The following PAQR8 variants were observed in gnomAD, a reference collection of about 807,000 sequenced individuals.
PAQR8 encodes progestin and adipoQ receptor family member 8.
PAQR8 carries 17 observed loss-of-function variants against 25.2 expected under a neutral mutation model. That is an observed-to-expected ratio of 0.67 (90% CI 0.46 to 1.01). The LOEUF is 1.01. PAQR8 is among the 50% of genes least tolerant of loss of function. The probability of loss-of-function intolerance (pLI) is 0.00; values close to 1 mark genes in which losing one functional copy is unlikely to be tolerated. For missense variants in PAQR8, 392 were observed against 448.4 expected, an observed-to-expected ratio of 0.87 and a Z score of 1.14; for synonymous variants, 204 against 190.6, an observed-to-expected ratio of 1.07 and a Z score of -0.58.
At chr6:52,400,420 G>A (rs1021946561) in intron 1 of PAQR8, among the ~76,000 whole-genome samples, 2 of 152,186 alleles carry the variant, frequency 1.3e-5, no homozygotes, top group African/African-American at 4.8e-5. Context: ...AGCCCTGTAA[G>A]GCAGCTTCTC....
intron 1 of PAQR8, among the ~76,000 whole-genome samples, chr6:52,364,105 C>CTTTTTTTTTTTTTTTT (rs1763325397): frequency 5.9e-5 from 1 of 16,820 alleles, no homozygotes; most frequent in Admixed American, 7.8e-4. Flanking sequence ...TTTTTTTTTG[C>CTTTTTTTTTTTTTTTT]GGGTGTGTGT....
rs143907001 is a variant in PAQR8 at position 52,394,740 on chromosome 6, T to C, written c.-52-8422T>C. Among the ~76,000 whole-genome samples, 175 of 152,254 alleles carry C rather than the reference T, an allele frequency of 1.1e-3. 1 individual carries two copies. The highest frequency in any genetic ancestry group is 4.0e-3 in the African/African-American group (165 of 41,558). On this transcript the variant is annotated intron_variant, in intron 1 of 1. Transcript: ENST00000442253. ...GTAGATTAGGTGCATTAAATGCATT[T>C]TCAACTTAAGACGTTTTCAACTTAA...
At chr6:52,392,183 A>G (rs1433684897) in intron 1 of PAQR8, among the ~76,000 whole-genome samples, 2 of 152,102 alleles carry the variant, frequency 1.3e-5, no homozygotes, top group Non-Finnish European at 2.9e-5. Context: ...CTCTACTAAA[A>G]TGCAAAAAAA....
chr6:52,378,009 A>T (rs576064700), intron 1 of PAQR8, among the ~76,000 whole-genome samples: 17 of 152,330 alleles, frequency 1.1e-4, no homozygotes, highest in African/African-American at 3.8e-4. Flanking sequence ...CTCTGGAGCC[A>T]GACTACCTGG....
chr6:52,392,528 A>G (rs1763722124), intron 1 of PAQR8, among the ~76,000 whole-genome samples: 1 of 152,206 alleles, frequency 6.6e-6, no homozygotes, highest in South Asian at 2.1e-4. Flanking sequence ...TCATCCAGAT[A>G]AAATGTCTTC....
chr6:52,387,416 T>C (rs1013577714), intron 1 of PAQR8, among the ~76,000 whole-genome samples: 3 of 152,228 alleles, frequency 2.0e-5, no homozygotes, highest in Admixed American at 6.5e-5. Flanking sequence ...TTATTGTTGA[T>C]TTGGTTTAGG....
At chr6:52,369,342 T>C (rs1763390821) in intron 1 of PAQR8, among the ~76,000 whole-genome samples, 1 of 152,190 alleles carries the variant, frequency 6.6e-6, no homozygotes, top group African/African-American at 2.4e-5. Flanking sequence ...TTTTGTTGAT[T>C]TTGAGACACA....
At chr6:52,366,481 G>A (rs1763355286) in intron 1 of PAQR8, among the ~76,000 whole-genome samples, 1 of 152,080 alleles carries the variant, frequency 6.6e-6, no homozygotes, top group Non-Finnish European at 1.5e-5. Context: ...TCAAAGAAGG[G>A]TAAATAGGTG....
intron 1 of PAQR8, among the ~76,000 whole-genome samples, chr6:52,376,910 C>T (rs1763491697): frequency 6.6e-6 from 1 of 152,134 alleles, no homozygotes; most frequent in Non-Finnish European, 1.5e-5. Context: ...ATACTATAAT[C>T]CTTTGTCAAA....
At chr6:52,402,135 G>A (rs1425991606) in intron 1 of PAQR8, among the ~76,000 whole-genome samples, 4 of 152,142 alleles carry the variant, frequency 2.6e-5, no homozygotes, top group Admixed American at 6.6e-5. Context: ...AGGATGAGGT[G>A]GGAAGATCAT....
chr6:52,372,333 C>T (rs1305040801), intron 1 of PAQR8, among the ~76,000 whole-genome samples: 2 of 152,054 alleles, frequency 1.3e-5, no homozygotes, highest in African/African-American at 4.8e-5. Context: ...TAGTAAACTT[C>T]CAAAGCATAG....
Position 52,406,539 on chromosome 6 carries a change from C to T in PAQR8, c.*2261C>T. The T allele has an allele frequency of 2.4e-6, 1 of 413,414 alleles. No individual in the cohort carries two copies. Among genetic ancestry groups the T allele is most frequent in the Non-Finnish European group, 4.4e-6 (1 of 226,132 alleles). 25.6% of individuals were successfully genotyped at this position (413,414 alleles called of 1,614,324 possible). On this transcript the variant is annotated 3_prime_UTR_variant, in exon 2 of 2. Transcript: ENST00000442253. ...CAATTTTAATTTATACAAGTATTGG[C>T]CCCTCAAGTGGTTGGAAATTTTTTT...
rs767424580 is a variant in PAQR8 at position 52,404,214 on chromosome 6, G to T, written c.1001G>T (p.Ser334Ile). Residue 334 changes from serine (S) to isoleucine (I), a missense_variant, in exon 2 of 2, where the codon AGT becomes ATT. Physicochemically the swap from Ser to Ile is moderately radical, Grantham distance 142 (BLOSUM62 -2). Coordinates refer to ENST00000442253, the MANE Select transcript of PAQR8 (RefSeq NM_133367.5). ...TCCTTCTTCTTCCTGGCTGCCTGCA[G>T]TGCTGCCACCGCAGCCCTTCTGAGG... The part of the protein sequence containing the change: ...CLSFFFLAAC[S>I]AATAALLRHK... 8.1e-6 allele frequency: 13 copies of T among 1,613,734 alleles called. No individual in the cohort carries two copies. The highest frequency in any genetic ancestry group is 1.1e-5 in the Non-Finnish European group (13 of 1,179,728).
At chr6:52,379,720 G>A (rs563448805) in intron 1 of PAQR8, among the ~76,000 whole-genome samples, 4 of 143,850 alleles carry the variant, frequency 2.8e-5, no homozygotes, top group Middle Eastern at 3.8e-3. Flanking sequence ...TCCGCCTCCC[G>A]GGTTCACGCC....
At chr6:52,388,172 T>C (rs1763654866) in intron 1 of PAQR8, among the ~76,000 whole-genome samples, 1 of 152,154 alleles carries the variant, frequency 6.6e-6, no homozygotes, top group African/African-American at 2.4e-5. Context: ...GGTCAGGAGT[T>C]TGAGACCAGC....
chr6:52,406,663 A>C lies in PAQR8; in HGVS notation c.*2385A>C, dbSNP rs368035029. 2.5e-6 allele frequency: 1 copy of C among 406,048 alleles called. No homozygotes were observed. The highest frequency in any genetic ancestry group is 4.4e-6 in the Non-Finnish European group (1 of 225,644). The allele number at this position is 406,048 out of a possible 1,614,324, so 25.2% of individuals were successfully genotyped here. Reference sequence around the variant, plus strand: ...CTGCAGCCTCGACCTCCCCAGCTCAAGCAATCCTCCCACCTCAGCCTCCTA... The same window carrying C: ...CTGCAGCCTCGACCTCCCCAGCTCACGCAATCCTCCCACCTCAGCCTCCTA... On this transcript the variant is annotated 3_prime_UTR_variant, in exon 2 of 2. Transcript: ENST00000442253.
At chr6:52,386,125 C>T (rs1436967831) in intron 1 of PAQR8, among the ~76,000 whole-genome samples, 1 of 152,002 alleles carries the variant, frequency 6.6e-6, no homozygotes, top group Non-Finnish European at 1.5e-5. Context: ...TAGAGAAATG[C>T]AAATCAAAAC....
intron 1 of PAQR8, among the ~76,000 whole-genome samples, chr6:52,392,691 G>A (rs904384351): frequency 6.6e-6 from 1 of 152,184 alleles, no homozygotes; most frequent in Non-Finnish European, 1.5e-5. Flanking sequence ...GCTGATAAAT[G>A]ACCTCAGGTT....
chr6:52,407,479 G>A lies in PAQR8; in HGVS notation c.*3201G>A, dbSNP rs1248387801. On this transcript the variant is annotated 3_prime_UTR_variant, in exon 2 of 2. Coordinates refer to ENST00000442253, the MANE Select transcript of PAQR8 (RefSeq NM_133367.5). Reference sequence around the variant, plus strand: ...AGGAATTTAAGTCCATAGAATGAAGGTAGTTATTCCTGCCTGTGTTGCCCA... The same window carrying A: ...AGGAATTTAAGTCCATAGAATGAAGATAGTTATTCCTGCCTGTGTTGCCCA... The A allele has an allele frequency of 1.2e-5, 2 of 166,974 alleles. No individual in the cohort carries two copies. The highest frequency in any genetic ancestry group is 1.3e-4 in the Admixed American group (2 of 15,274). 10.3% of individuals were successfully genotyped at this position (166,974 alleles called of 1,614,324 possible).
Sources: gnomAD v4.1 joint callset for allele counts (sites outside exome capture counted in the v4.1 genomes callset) on GRCh38, gnomAD v4.1.1 for gene constraint, MANE v1.5 for transcripts, NCBI Gene and HGNC (gene_info 2026-07-23, HGNC 2026-07-21) for gene names.